LRCH1: variants seen among roughly 807,000 people sequenced by gnomAD.
LRCH1 encodes leucine rich repeats and calponin homology domain containing 1, also known as leucine-rich repeat and calponin homology domain-containing protein 1.
A neutral mutation model predicts 94.9 loss-of-function variants in LRCH1; 23 were observed. The ratio of observed to expected loss-of-function variants is 0.24; its 90% CI spans 0.17 to 0.34. The LOEUF is 0.34. Ranked by LOEUF, LRCH1 falls within the 10% of genes least tolerant of loss-of-function variation. The probability of loss-of-function intolerance (pLI) is 1.00; values close to 1 mark genes in which losing one functional copy is unlikely to be tolerated. For missense variants in LRCH1, 790 were observed against 945.9 expected (o/e 0.84, Z 2.16); for synonymous variants, 364 against 354.9 (o/e 1.03, Z -0.29).
intron 2 of LRCH1, among the ~76,000 whole-genome samples, chr13:46,655,526 T>A (rs2051359475): frequency 6.6e-6 from 1 of 152,214 alleles, no homozygotes; most frequent in South Asian, 2.1e-4. Context: ...AGTGTCTTAA[T>A]CCAAGACATG....
intron 1 of LRCH1, among the ~76,000 whole-genome samples, chr13:46,566,829 C>T (rs1216547315): frequency 1.3e-5 from 2 of 152,138 alleles, no homozygotes; most frequent in Non-Finnish European, 2.9e-5. Context: ...ATGTGATTTC[C>T]CCCACTGATC....
At position 46,555,288 on chromosome 13, in the gene LRCH1, A is replaced by G. The variant is rs564598035; in HGVS notation, c.307+1585A>G. 2.6e-5 allele frequency among the ~76,000 whole-genome samples: 4 copies of G among 152,344 alleles called. No homozygotes were observed. The South Asian group carries it at 8.3e-4, about 32-fold the overall frequency. On this transcript the variant is annotated intron_variant, in intron 1 of 19. Transcript: ENST00000389797. ...TTACTTCCCTTCTGCTATAGAGTGT[A>G]CCGTGAGCTAGCTATGCTATGGTTG...
chr13:46,726,809 T>G (rs1872834696), intron 17 of LRCH1, among the ~76,000 whole-genome samples: 1 of 137,790 alleles, frequency 7.3e-6, no homozygotes, highest in Non-Finnish European at 1.5e-5. Context: ...ATGCCTGCAT[T>G]CACCTGGCGG....
At chr13:46,599,547 A>G (rs182049456) in intron 1 of LRCH1, among the ~76,000 whole-genome samples, 301 of 152,334 alleles carry the variant, frequency 2.0e-3, no homozygotes, top group Middle Eastern at 6.8e-3. Context: ...ACTGATAATT[A>G]TGACTAAATA....
At chr13:46,726,099 C>T (rs139202230) in intron 17 of LRCH1, among the ~76,000 whole-genome samples, 8 of 152,266 alleles carry the variant, frequency 5.3e-5, no homozygotes, top group African/African-American at 1.4e-4. Flanking sequence ...TCCTTTCATA[C>T]GCTGTGATTC....
intron 11 of LRCH1, among the ~76,000 whole-genome samples, chr13:46,702,986 T>C (rs1871561683): frequency 1.3e-5 from 2 of 152,178 alleles, no homozygotes; most frequent in South Asian, 4.1e-4. Context: ...AGGGAGGCAA[T>C]GATGGTGTTT....
chr13:46,743,714 T>C lies in LRCH1; in HGVS notation c.*1866T>C. ...GTCACCACTGTGGTGGTTTTTCCCT[T>C]CTTTCTGGGGAGAAAATGGGAAAAA... On this transcript the variant is annotated 3_prime_UTR_variant, in exon 20 of 20. Coordinates refer to ENST00000389797, the MANE Select transcript of LRCH1 (RefSeq NM_001164211.2). 1 of 968,484 alleles carries C rather than the reference T, an allele frequency of 1.0e-6. No homozygotes were observed. The highest frequency in any genetic ancestry group is 5.0e-5 in the South Asian group (1 of 20,070). The allele number at this position is 968,484 out of a possible 1,614,324, so 60.0% of individuals were successfully genotyped here. A position where few individuals can be genotyped will look rare whatever the true frequency, so the allele number is the denominator to read the frequency against.
chr13:46,621,603 G>T (rs1408361691), intron 1 of LRCH1, among the ~76,000 whole-genome samples: 1 of 152,122 alleles, frequency 6.6e-6, no homozygotes, highest in Non-Finnish European at 1.5e-5. Context: ...TCAGGAAGGG[G>T]TTCTGCATTG....
intron 19 of LRCH1, 117 bp from the exon 20 acceptor site, chr13:46,741,525 G>T: frequency 1.7e-6 from 2 of 1,150,184 alleles, no homozygotes; most frequent in Middle Eastern, 4.9e-4. Context: ...TGAAATAAGG[G>T]GTTACTCCTG....
chr13:46,737,545 T>A (rs994375542), intron 19 of LRCH1, among the ~76,000 whole-genome samples: 1 of 152,214 alleles, frequency 6.6e-6, no homozygotes, highest in Non-Finnish European at 1.5e-5. Context: ...CTTTGTGCTG[T>A]TGATGCTTAG....
chr13:46,584,598 C>A (rs1400369279), intron 1 of LRCH1, among the ~76,000 whole-genome samples: 1 of 152,206 alleles, frequency 6.6e-6, no homozygotes, highest in African/African-American at 2.4e-5. Context: ...ATGCAGAGCC[C>A]CCTCAGCTCC....
intron 2 of LRCH1, among the ~76,000 whole-genome samples, chr13:46,650,742 A>AT (rs1491106531): frequency 3.9e-5 from 5 of 127,138 alleles, no homozygotes; most frequent in African/African-American, 1.4e-4. Context: ...AAAAAAAAAA[A>AT]GAGAAAGCCT....
At chr13:46,607,060 T>C (rs2137994484) in intron 1 of LRCH1, among the ~76,000 whole-genome samples, 1 of 152,218 alleles carries the variant, frequency 6.6e-6, no homozygotes, top group Non-Finnish European at 1.5e-5. Context: ...TGGGGTTGGC[T>C]AGGCGCTGGG....
intron 8 of LRCH1, among the ~76,000 whole-genome samples, 172 bp from the exon 9 acceptor site, chr13:46,694,721 T>G (rs1871084304): frequency 6.6e-6 from 1 of 152,184 alleles, no homozygotes; most frequent in South Asian, 2.1e-4. Context: ...TGGGGTTATT[T>G]TATTTTTATC....
At chr13:46,732,123 CA>C (rs1873140323) in intron 18 of LRCH1, among the ~76,000 whole-genome samples, 1 of 152,164 alleles carries the variant, frequency 6.6e-6, no homozygotes, top group Non-Finnish European at 1.5e-5. Flanking sequence ...TTGTATCTGC[CA>C]GCAGCAGTGG....
At chr13:46,671,912 C>G (rs1267611760) in intron 3 of LRCH1, among the ~76,000 whole-genome samples, 1 of 152,200 alleles carries the variant, frequency 6.6e-6, no homozygotes, top group Non-Finnish European at 1.5e-5. Flanking sequence ...GTGAACCTAT[C>G]CGGACACATC....
intron 1 of LRCH1, among the ~76,000 whole-genome samples, chr13:46,558,491 T>G (rs2050090998): frequency 6.8e-6 from 1 of 146,726 alleles, no homozygotes; most frequent in Non-Finnish European, 1.5e-5. Flanking sequence ...ATCCCAGCAT[T>G]TTGGGAGGCT....
chr13:46,721,031 C>T (rs568198802), intron 16 of LRCH1, among the ~76,000 whole-genome samples: 1 of 152,114 alleles, frequency 6.6e-6, no homozygotes, highest in African/African-American at 2.4e-5. Flanking sequence ...GAGCAAATGC[C>T]CACACATGCA....
chr13:46,577,568 C>T (rs962184288), intron 1 of LRCH1, among the ~76,000 whole-genome samples: 1 of 152,160 alleles, frequency 6.6e-6, no homozygotes, highest in Non-Finnish European at 1.5e-5. Context: ...GTAGGTTATA[C>T]AGGGTGGATA....
Sources: gnomAD v4.1 joint callset for allele counts (sites outside exome capture counted in the v4.1 genomes callset) on GRCh38, gnomAD v4.1.1 for gene constraint, MANE v1.5 for transcripts, NCBI Gene and HGNC (gene_info 2026-07-23, HGNC 2026-07-21) for gene names.